MVB12B: variants seen among roughly 807,000 people sequenced by gnomAD.
MVB12B encodes the protein ESCRT-I complex subunit MVB12B.
Under a neutral mutation model 41.6 loss-of-function variants are expected in MVB12B, and 16 were observed. That is an observed-to-expected ratio of 0.38 (90% confidence interval 0.26 to 0.58). The LOEUF is 0.58. Ranked by LOEUF, MVB12B falls within the 20% of genes least tolerant of loss-of-function variation. The pLI is 0.62. For synonymous variants in MVB12B, 133 were observed against 139.7 expected, an observed-to-expected ratio of 0.95 and a Z score of 0.34; for missense variants, 274 against 380.2, an observed-to-expected ratio of 0.72 and a Z score of 2.32.
intron 7 of MVB12B, among the ~76,000 whole-genome samples, chr9:126,424,993 A>G (rs1335178862): frequency 6.6e-6 from 1 of 152,272 alleles, no homozygotes. Context: ...ACATCCATAC[A>G]GTAGCCTTAA....
rs763539920 is a variant in MVB12B, at chr9:126,392,098, A to G, written c.442A>G (p.Ile148Val). The G allele has an allele frequency of 1.2e-6, 2 of 1,614,248 alleles. No individual in the cohort carries two copies. The highest frequency in any genetic ancestry group is 2.2e-5 in the East Asian group (1 of 44,892). ...EVAFRKKRLC[I>V]KFIPRDSTEA... ...GGCTTTTAGGAAGAAGAGGCTGTGC[A>G]TTAAATTTATTCCACGGGATTCAAC... The change falls in exon 5 of 10, where the codon ATT becomes GTT. Residue 148 changes from isoleucine (I) to valine (V), a missense_variant. Ile to Val is a conservative substitution (Grantham distance 29). Coordinates refer to ENST00000361171, the MANE Select transcript of MVB12B (RefSeq NM_033446.3). The surrounding 1 kb of genome is among the most constrained non-coding windows in gnomAD (Gnocchi z 4.8).
At chr9:126,491,299 A>G (rs1233851866) in intron 9 of MVB12B, among the ~76,000 whole-genome samples, 3 of 152,202 alleles carry the variant, frequency 2.0e-5, no homozygotes, top group Non-Finnish European at 2.9e-5. Flanking sequence ...AATAAAGTGA[A>G]GCAGATTTTT....
chr9:126,346,500 A>C (rs1218703979), intron 2 of MVB12B, among the ~76,000 whole-genome samples: 2 of 151,874 alleles, frequency 1.3e-5, no homozygotes, highest in Non-Finnish European at 2.9e-5. Flanking sequence ...GGCGGGAGGG[A>C]GACTCTTGGG....
intron 2 of MVB12B, among the ~76,000 whole-genome samples, chr9:126,356,270 T>C (rs1198196223): frequency 6.6e-6 from 1 of 152,224 alleles, no homozygotes; most frequent in African/African-American, 2.4e-5. Context: ...ATAAGTTGAT[T>C]TGAAGGGATT....
At position 126,491,000 on chromosome 9, in the gene MVB12B, C is replaced by A. The variant is rs775058950; in HGVS notation, c.873+6968C>A. Among the ~76,000 whole-genome samples the A allele has an allele frequency of 3.5e-4, 53 of 152,156 alleles. 1 individual carries two copies. The highest frequency in any genetic ancestry group is 4.6e-4 in the Non-Finnish European group (31 of 68,030). ...CGTCTTGATTATAATTGCTCTTAGC[C>A]ACGCATATCTAATTTGTGTCTTTTT... On this transcript the variant is annotated intron_variant, in intron 9 of 9. Coordinates refer to ENST00000361171, the MANE Select transcript of MVB12B (RefSeq NM_033446.3).
intron 9 of MVB12B, among the ~76,000 whole-genome samples, chr9:126,497,445 C>T (rs1029994198): frequency 1.3e-5 from 2 of 152,012 alleles, no homozygotes; most frequent in African/African-American, 2.4e-5. Context: ...GCCCTGACCC[C>T]GAGGCCTTGG....
At chr9:126,361,289 T>C (rs901897064) in intron 2 of MVB12B, among the ~76,000 whole-genome samples, 1 of 152,204 alleles carries the variant, frequency 6.6e-6, no homozygotes, top group Non-Finnish European at 1.5e-5. Flanking sequence ...CTTATCACAG[T>C]CTACTTTTAA....
At chr9:126,359,694 C>T (rs888614207) in intron 2 of MVB12B, among the ~76,000 whole-genome samples, 1 of 152,050 alleles carries the variant, frequency 6.6e-6, no homozygotes, top group Non-Finnish European at 1.5e-5. Flanking sequence ...CAAAATATTT[C>T]CTTGTTATCC....
At chr9:126,500,966 A>G (rs141840008) in intron 9 of MVB12B, among the ~76,000 whole-genome samples, 1 of 152,260 alleles carries the variant, frequency 6.6e-6, no homozygotes, top group East Asian at 1.9e-4. Flanking sequence ...CTACCTTGGG[A>G]GTCCCGCGCA....
intron 6 of MVB12B, among the ~76,000 whole-genome samples, chr9:126,411,078 G>C (rs1416911220): frequency 6.6e-6 from 1 of 151,862 alleles, no homozygotes; most frequent in East Asian, 1.9e-4. Flanking sequence ...TAGTAGAAAC[G>C]GGGTTTCACC....
intron 9 of MVB12B, among the ~76,000 whole-genome samples, chr9:126,501,824 TCTGGGCAGCAGGGAGGG>T (rs1833965498): frequency 6.6e-6 from 1 of 152,048 alleles, no homozygotes; most frequent in Non-Finnish European, 1.5e-5. Context: ...GGCGGCTCGC[TCTGGGCAGCAGGGAGGG>T]CTGGGCAGGC....
intron 2 of MVB12B, among the ~76,000 whole-genome samples, chr9:126,361,870 C>T (rs1017450465): frequency 3.5e-5 from 5 of 142,344 alleles, no homozygotes; most frequent in East Asian, 4.1e-4. Context: ...GCTGTGATTG[C>T]GTTACTGCAC....
In MVB12B at chr9:126,481,416, C is replaced by A; in HGVS notation, c.805C>A (p.Pro269Thr). 1 of 1,612,788 alleles carries A rather than the reference C, an allele frequency of 6.2e-7. No homozygotes were observed. Among genetic ancestry groups the A allele is most frequent in the Non-Finnish European group, 8.5e-7 (1 of 1,178,976 alleles). Residue 269 changes from proline to threonine, a missense_variant, in exon 8 of 10, where the codon CCA (proline) becomes ACA (threonine). Coordinates refer to ENST00000361171, the MANE Select transcript of MVB12B (RefSeq NM_033446.3). ...FMISEKFSCV[P>T]ESMQPFDLLG... ...GATTTCAGAGAAGTTTTCTTGTGTT[C>A]CAGAAAGTGTAAGTTTTATGCATGA...
intron 2 of MVB12B, among the ~76,000 whole-genome samples, chr9:126,363,055 C>T (rs544326671): frequency 3.3e-5 from 5 of 151,816 alleles, no homozygotes; most frequent in South Asian, 4.2e-4. Flanking sequence ...GGTGTAGTGG[C>T]GGGCGCCTGT....
chr9:126,496,832 G>A (rs1384517530), intron 9 of MVB12B, among the ~76,000 whole-genome samples: 1 of 152,068 alleles, frequency 6.6e-6, no homozygotes, highest in Non-Finnish European at 1.5e-5. Context: ...GGTGGAAGGT[G>A]TTTTGTGAGA....
At chr9:126,474,334 AAG>A (rs542961117) in intron 7 of MVB12B, among the ~76,000 whole-genome samples, 50 of 152,358 alleles carry the variant, frequency 3.3e-4, no homozygotes, top group African/African-American at 1.1e-3. Flanking sequence ...GCTAGGGAAA[AAG>A]AAAGGAAGGA....
rs142655943 is a variant in MVB12B, at chr9:126,460,621, G to A, written c.758-20748G>A. On this transcript the variant is annotated intron_variant, in intron 7 of 9. Coordinates refer to ENST00000361171, the MANE Select transcript of MVB12B (RefSeq NM_033446.3). ...GGGTGGGCATCGCCTCTCCCTGACCGGGGTCTGGAGAAGGGAGGGCCAAAG... is the reference window on the plus strand; with the variant it reads ...GGGTGGGCATCGCCTCTCCCTGACCAGGGTCTGGAGAAGGGAGGGCCAAAG... 6.1e-4 allele frequency among the ~76,000 whole-genome samples: 93 copies of A among 152,162 alleles called. 1 individual carries two copies. Among genetic ancestry groups the A allele is most frequent in the African/African-American group, 2.2e-3 (90 of 41,526 alleles).
At chr9:126,385,880 T>G (rs1588128900) in intron 3 of MVB12B, among the ~76,000 whole-genome samples, 1 of 152,202 alleles carries the variant, frequency 6.6e-6, no homozygotes, top group Non-Finnish European at 1.5e-5. Flanking sequence ...GAATTCTCTC[T>G]CGCAATTACA....
intron 6 of MVB12B, chr9:126,396,268 C>T: frequency 1.0e-6 from 1 of 979,752 alleles, no homozygotes; most frequent in Non-Finnish European, 1.2e-6. Context: ...TGATTTCAGT[C>T]ATAACAGAGG....
Sources: gnomAD v4.1 joint callset for allele counts (sites outside exome capture counted in the v4.1 genomes callset) on GRCh38, gnomAD v4.1.1 for gene constraint, Gnocchi (gnomAD v3.1) non-coding constraint, MANE v1.5 for transcripts, NCBI Gene and HGNC (gene_info 2026-07-23, HGNC 2026-07-21) for gene names.